The following NKX6-3 variants were observed in gnomAD, a reference collection of about 807,000 sequenced individuals.
NKX6-3 encodes the protein NK6 homeobox 3.
NKX6-3 carries 17 observed loss-of-function variants against 22.0 expected under a neutral mutation model. The ratio of observed to expected loss-of-function variants is 0.77; its 90% CI spans 0.53 to 1.16. The LOEUF (loss-of-function observed/expected upper bound fraction) is 1.16, where lower values mean the gene tolerates loss of function less well. NKX6-3 is among the 50% of genes most tolerant of loss of function. NKX6-3 has a pLI of 0.00. For missense variants in NKX6-3, 363 were observed against 359.0 expected (o/e 1.01, Z -0.09); for synonymous variants, 177 against 167.2 (o/e 1.06, Z -0.45).
chr8:41,647,840 G>A (rs1355752096), intron 2 of NKX6-3, among the ~76,000 whole-genome samples: 1 of 152,156 alleles, frequency 6.6e-6, no homozygotes, highest in African/African-American at 2.4e-5. Flanking sequence ...TTGCTGAGAG[G>A]ATGAAATGAG....
In NKX6-3 at chr8:41,650,621, T is replaced by A; in HGVS notation, c.-129A>T. The A allele has an allele frequency of 1.0e-6, 1 of 952,426 alleles. No individual in the cohort carries two copies. Among genetic ancestry groups the A allele is most frequent in the Non-Finnish European group, 1.5e-6 (1 of 658,010 alleles). 59.0% of individuals were successfully genotyped at this position (952,426 alleles called of 1,614,324 possible). A position where few individuals can be genotyped will look rare whatever the true frequency, so the allele number is the denominator to read the frequency against. ...TCCGAGCTCCTGACTGCCTCCCACC[T>A]AAGGCATGGGCCAGGCCCTGGCCCA... On this transcript the variant is annotated 5_prime_UTR_variant, in exon 1 of 3. An upstream open reading frame in the 5' UTR loses its in-frame stop. Coordinates refer to ENST00000518699, the MANE Select transcript of NKX6-3 (RefSeq NM_001364841.2).
chr8:41,648,269 A>G, intron 1 of NKX6-3, 34 bp from the exon 2 acceptor site: 1 of 1,510,780 alleles, frequency 6.6e-7, no homozygotes. Flanking sequence ...GGTTAGTAGA[A>G]TAAGTGGGGA....
chr8:41,648,081 G>C lies in NKX6-3; in HGVS notation c.537C>G (p.Thr179=). Reference sequence around the variant, plus strand: ...ACAGACTTACCTTGACCTGCGACTCGGTCATGCCCAGTGAGTATGCCAGCC... The same window carrying C: ...ACAGACTTACCTTGACCTGCGACTCCGTCATGCCCAGTGAGTATGCCAGCC... ...RARLAYSLGM[T]ESQVKVWFQN... is the part of the protein sequence containing the mutation. The change falls in exon 2 of 3, where the codon ACC becomes ACG. Residue 179 remains threonine (T), a synonymous_variant. Transcript: ENST00000518699. 6.5e-7 allele frequency: 1 copy of C among 1,534,524 alleles called. No homozygotes were observed. Among genetic ancestry groups the C allele is most frequent in the Non-Finnish European group, 8.7e-7 (1 of 1,145,558 alleles).
intron 2 of NKX6-3, among the ~76,000 whole-genome samples, 155 bp from the exon 3 acceptor site, chr8:41,646,849 T>G (rs1042677282): frequency 1.3e-5 from 2 of 149,336 alleles, no homozygotes; most frequent in Non-Finnish European, 3.0e-5. Context: ...TTTAAAAACG[T>G]GAGCGCGGCA....
intron 1 of NKX6-3, among the ~76,000 whole-genome samples, chr8:41,648,711 G>A (rs1370178790): frequency 6.6e-6 from 1 of 152,186 alleles, no homozygotes; most frequent in Non-Finnish European, 1.5e-5. Context: ...CAAACCTGAC[G>A]CCCCAAGCTG....
chr8:41,649,888 T>C (rs1318800883), intron 1 of NKX6-3, among the ~76,000 whole-genome samples: 3 of 151,800 alleles, frequency 2.0e-5, no homozygotes, highest in Non-Finnish European at 4.4e-5. Flanking sequence ...GTGGCTGGCA[T>C]GTGAGGGGGG....
In NKX6-3 at chr8:41,646,037, C is replaced by T. The variant is rs1034335228; in HGVS notation, c.*412G>A. On this transcript the variant is annotated 3_prime_UTR_variant, in exon 3 of 3. Transcript: ENST00000518699. Reference sequence around the variant, plus strand: ...CTCCCTGGGAAGTCCTGCCCACTCCCCCCGCCCCAACAGCTGGATCACAGT... The same window carrying T: ...CTCCCTGGGAAGTCCTGCCCACTCCTCCCGCCCCAACAGCTGGATCACAGT... The T allele has an allele frequency of 1.8e-4, 41 of 232,736 alleles. 1 individual carries two copies. The highest frequency in any genetic ancestry group is 1.5e-3 in the Middle Eastern group (1 of 652). 14.4% of individuals were successfully genotyped at this position (232,736 alleles called of 1,614,324 possible). A position where few individuals can be genotyped will look rare whatever the true frequency, so the allele number is the denominator to read the frequency against.
At chr8:41,646,719 G>A (rs929326146) in intron 2 of NKX6-3, 25 bp from the exon 3 acceptor site, 2 of 1,525,858 alleles carry the variant, frequency 1.3e-6, no homozygotes, top group East Asian at 2.5e-5. Context: ...AATGTGAAGG[G>A]CACAGGGGCA....
chr8:41,647,190 G>A (rs1180568849), intron 2 of NKX6-3: 2 of 1,612,606 alleles, frequency 1.2e-6, no homozygotes, highest in Non-Finnish European at 8.5e-7. Context: ...GGGCAGGAAC[G>A]CACCCCAGAA....
At chr8:41,647,076 G>A in intron 2 of NKX6-3, 1 of 1,152,126 alleles carries the variant, frequency 8.7e-7, no homozygotes, top group Non-Finnish European at 1.3e-6. Context: ...CTTATGAGCA[G>A]TCCCTACTCT....
At chr8:41,648,037 G>A in intron 2 of NKX6-3, 29 bp downstream of exon 2, 1 of 1,507,972 alleles carries the variant, frequency 6.6e-7, no homozygotes, top group Non-Finnish European at 8.9e-7. Flanking sequence ...CTCCCTGCAG[G>A]GCAGGTGCCA....
chr8:41,648,861 A>G (rs12549294), intron 1 of NKX6-3, among the ~76,000 whole-genome samples: 91,959 of 152,188 alleles, frequency 0.6, 28,198 homozygotes, highest in African/African-American at 0.7. Context: ...TGGTTCCCAC[A>G]TGTCAGGCCT....
intron 2 of NKX6-3, 108 bp from the exon 3 acceptor site, chr8:41,646,802 G>T: frequency 7.1e-7 from 1 of 1,415,870 alleles, no homozygotes; most frequent in Non-Finnish European, 9.4e-7. Flanking sequence ...CGGAGTGACT[G>T]TCACATTCAC....
In NKX6-3 at chr8:41,650,338, G is replaced by A; in HGVS notation, c.155C>T (p.Pro52Leu). Residue 52 changes from proline to leucine, a missense_variant, in exon 1 of 3, where the codon CCC becomes CTC. This residue lies in a region of NKX6-3 where 175 missense variants were observed against 160.9 expected (regional missense o/e 1.09). Transcript: ENST00000518699. ...GLGPQLAAGT[P>L]HGITDILSRP... ...GCTCAGGATGTCCGTGATCCCGTGG[G>A]GGGTTCCGGCGGCCAGCTGGGGGCC... The A allele has an allele frequency of 3.9e-6, 6 of 1,535,082 alleles. No homozygotes were observed. Among genetic ancestry groups the A allele is most frequent in the Non-Finnish European group, 5.2e-6 (6 of 1,146,342 alleles).
intron 2 of NKX6-3, chr8:41,647,353 C>T: frequency 6.4e-7 from 1 of 1,564,082 alleles, no homozygotes; most frequent in Admixed American, 2.0e-5. Flanking sequence ...GCCCCTGCTG[C>T]ATCCTTAGGC....
rs1461896815 is a variant in NKX6-3, at chr8:41,645,177, T to TA, written c.*1271dup. 3 of 152,240 alleles carry TA rather than the reference T, an allele frequency of 2.0e-5. No homozygotes were observed. The highest frequency in any genetic ancestry group is 4.8e-5 in the African/African-American group (2 of 41,452). The allele number at this position is 152,240 out of a possible 1,614,324, so 9.4% of individuals were successfully genotyped here. On this transcript the variant is annotated 3_prime_UTR_variant, in exon 3 of 3. Coordinates refer to ENST00000518699, the MANE Select transcript of NKX6-3 (RefSeq NM_001364841.2). ...CCCTTTCACAGAAGCACAGGAGCCG[T>TA]AAGGTTCATGGGACTTTTATTTTTA...
At chr8:41,649,054 G>A in intron 1 of NKX6-3, among the ~76,000 whole-genome samples, 1 of 152,214 alleles carries the variant, frequency 6.6e-6, no homozygotes, top group East Asian at 1.9e-4. Context: ...TGTGTGGGAT[G>A]TGGAGAGGGG....
chr8:41,646,349 T>A lies in NKX6-3; in HGVS notation c.*100A>T. 1 of 1,453,180 alleles carries A rather than the reference T, an allele frequency of 6.9e-7. No individual in the cohort carries two copies. The highest frequency in any genetic ancestry group is 9.2e-7 in the Non-Finnish European group (1 of 1,083,256). The allele number at this position is 1,453,180 out of a possible 1,614,324, so 90.0% of individuals were successfully genotyped here. ...GCCCCTCATCCAAAGAAAGACTCAG[T>A]CCCTGCGCCCCCAGGAGCGTGGGGA... On this transcript the variant is annotated 3_prime_UTR_variant, in exon 3 of 3. Coordinates refer to ENST00000518699, the MANE Select transcript of NKX6-3 (RefSeq NM_001364841.2).
Position 41,646,521 on chromosome 8 carries a change from C to A in NKX6-3, c.726G>T (p.Glu242Asp), listed in dbSNP as rs1804204620. Reference protein sequence around the residue: ...NKPLDPDSDDEKIRLLLRKHR... With the variant: ...NKPLDPDSDDDKIRLLLRKHR... ...GCTTGCGCAGCAGCAGGCGGATCTT[C>A]TCGTCGTCCGAGTCGGGGTCCAGCG... is the stretch of plus-strand genomic sequence containing the variant. Residue 242 changes from glutamate (E) to aspartate (D), a missense_variant, in exon 3 of 3, where the codon GAG becomes GAT. Physicochemically the swap from Glu to Asp is conservative, Grantham distance 45. Around this residue, in one of 3 missense-constraint regions of NKX6-3, gnomAD observed 169 missense variants for 155.8 expected, o/e 1.08. Coordinates refer to ENST00000518699, the MANE Select transcript of NKX6-3 (RefSeq NM_001364841.2). 11 of 1,612,386 alleles carry A rather than the reference C, an allele frequency of 6.8e-6. No individual in the cohort carries two copies. The highest frequency in any genetic ancestry group is 8.5e-6 in the Non-Finnish European group (10 of 1,179,422).
Sources: gnomAD v4.1 joint callset for allele counts (sites outside exome capture counted in the v4.1 genomes callset) on GRCh38, gnomAD v4.1.1 for gene constraint, gnomAD v4.1.1 regional missense constraint, MANE v1.5 for transcripts, NCBI Gene and HGNC (gene_info 2026-07-23, HGNC 2026-07-21) for gene names.